GPHN: variants seen among roughly 807,000 people sequenced by gnomAD.
The protein encoded by GPHN is gephyrin.
Under a neutral mutation model 95.5 loss-of-function variants are expected in GPHN, and 17 were observed. The ratio of observed to expected loss-of-function variants is 0.18; its 90% CI spans 0.12 to 0.27. The LOEUF (loss-of-function observed/expected upper bound fraction) is 0.27. Among genes scored for constraint, GPHN ranks in the 10% least tolerant of loss-of-function variants. The pLI is 1.00. For missense variants in GPHN, 660 were observed against 978.1 expected (o/e 0.67, Z 4.34); for synonymous variants, 320 against 322.5 (o/e 0.99, Z 0.08).
At chr14:67,734,230 G>A in the GPHN span, 5 of 245,398 alleles carry the variant, frequency 2.0e-5, no homozygotes, top group Non-Finnish European at 4.1e-5. Flanking sequence ...TATTTCTAGG[G>A]GCTATACACT....
chr14:66,786,735 AAATCT>A (rs1191645947), intron 3 of GPHN, among the ~76,000 whole-genome samples: 9 of 152,116 alleles, frequency 5.9e-5, no homozygotes, highest in Non-Finnish European at 8.8e-5. Context: ...GAAAAACAAT[AAATCT>A]AATCTACCAT....
intron 2 of GPHN, among the ~76,000 whole-genome samples, chr14:66,701,352 A>G (rs2068537513): frequency 6.6e-6 from 1 of 152,222 alleles, no homozygotes; most frequent in Admixed American, 6.5e-5. Flanking sequence ...CTAATACATA[A>G]TAACTGTACA....
At chr14:67,141,280 A>T (rs550981808) in intron 17 of GPHN, among the ~76,000 whole-genome samples, 1 of 152,270 alleles carries the variant, frequency 6.6e-6, no homozygotes, top group South Asian at 2.1e-4. Flanking sequence ...AACCAGGCCT[A>T]CCTTGCCATT....
At chr14:66,836,847 T>C (rs1266320378) in intron 4 of GPHN, among the ~76,000 whole-genome samples, 1 of 151,954 alleles carries the variant, frequency 6.6e-6, no homozygotes, top group Non-Finnish European at 1.5e-5. Flanking sequence ...GAAAAAATGC[T>C]CACCGTCACT....
chr14:67,320,011 C>T, the GPHN span, among the ~76,000 whole-genome samples: 2 of 152,100 alleles, frequency 1.3e-5, no homozygotes, highest in Non-Finnish European at 2.9e-5. Flanking sequence ...TTGTATTAGA[C>T]ATTCAAGCAT....
At chr14:67,648,273 C>T in the GPHN span, 1 of 1,428,204 alleles carries the variant, frequency 7.0e-7, no homozygotes. Flanking sequence ...TGCTATTCCA[C>T]ATCATTGCAG....
At chr14:67,580,092 T>A in the GPHN span, 15 of 530,202 alleles carry the variant, frequency 2.8e-5, no homozygotes, top group Non-Finnish European at 5.1e-5. Flanking sequence ...ACAAGATCGC[T>A]ACACACCTAC....
chr14:66,837,561 A>T (rs995313735), intron 4 of GPHN, among the ~76,000 whole-genome samples: 2 of 149,876 alleles, frequency 1.3e-5, no homozygotes, highest in Admixed American at 6.7e-5. Flanking sequence ...AACCTGCACA[A>T]TGTGCACATG....
At chr14:67,599,920 T>C in the GPHN span, 1 of 928,822 alleles carries the variant, frequency 1.1e-6, no homozygotes, top group East Asian at 2.7e-5. Context: ...CCTATCACTG[T>C]AGGAGGGGCC....
At chr14:67,495,476 A>G in the GPHN span, among the ~76,000 whole-genome samples, 1 of 150,222 alleles carries the variant, frequency 6.7e-6, no homozygotes, top group African/African-American at 2.4e-5. Flanking sequence ...GTTAAATCAC[A>G]GCCTTCTGGA....
the GPHN span, among the ~76,000 whole-genome samples, chr14:67,556,785 A>G: frequency 1.3e-5 from 2 of 152,214 alleles, no homozygotes; most frequent in Admixed American, 1.3e-4. Context: ...ATGATGCACC[A>G]TTTCCACTTG....
the GPHN span, among the ~76,000 whole-genome samples, chr14:67,226,492 C>T: frequency 3.3e-5 from 5 of 152,218 alleles, no homozygotes; most frequent in Non-Finnish European, 5.9e-5. Flanking sequence ...TCCCAAGTAG[C>T]TGGGACTACA....
intron 11 of GPHN, among the ~76,000 whole-genome samples, chr14:67,073,085 G>A (rs1181512437): frequency 6.6e-5 from 10 of 151,104 alleles, no homozygotes; most frequent in Non-Finnish European, 1.5e-4. Flanking sequence ...TTAATTAATG[G>A]CCACAGTAAT....
chr14:67,563,972 G>A, the GPHN span, among the ~76,000 whole-genome samples: 3 of 150,784 alleles, frequency 2.0e-5, no homozygotes, highest in Admixed American at 6.6e-5. Context: ...CACAATCTCA[G>A]CTCACTGGAA....
the GPHN span, among the ~76,000 whole-genome samples, chr14:67,732,288 A>G: frequency 6.6e-6 from 1 of 151,696 alleles, no homozygotes. Flanking sequence ...AAATCAAAAA[A>G]TTAGCCCAGC....
intron 1 of GPHN, among the ~76,000 whole-genome samples, chr14:66,537,808 T>C (rs767352860): frequency 1.4e-4 from 21 of 152,138 alleles, no homozygotes; most frequent in Admixed American, 1.0e-3. Flanking sequence ...GAAAAACTTA[T>C]TGGTACAGAA....
intron 1 of GPHN, among the ~76,000 whole-genome samples, chr14:66,607,305 A>T (rs909947964): frequency 6.6e-6 from 1 of 151,922 alleles, no homozygotes; most frequent in African/African-American, 2.4e-5. Flanking sequence ...CCAACCCTGC[A>T]TCCAAGAATA....
At chr14:67,340,561 C>T in the GPHN span, 36,555 of 1,520,342 alleles carry the variant, frequency 0.024, 548 homozygotes, top group Non-Finnish European at 0.028. Flanking sequence ...ACTTCAAACC[C>T]CTTTTTTCAA....
the GPHN span, chr14:67,199,944 A>T: frequency 7.2e-7 from 1 of 1,390,786 alleles, no homozygotes; most frequent in Non-Finnish European, 9.7e-7. Flanking sequence ...AAGCTCACCC[A>T]TTCCCACCAG....
Sources: allele counts gnomAD v4.1 joint callset (sites outside exome capture counted in the v4.1 genomes callset), GRCh38; gene constraint gnomAD v4.1.1; transcripts MANE v1.5; gene names NCBI Gene and HGNC (gene_info 2026-07-23, HGNC 2026-07-21).